The following CD200R1L variants were observed in gnomAD, a reference collection of about 807,000 sequenced individuals.
CD200R1L encodes the protein cell surface glycoprotein CD200 receptor 2.
In CD200R1L, 14 loss-of-function variants were observed where a neutral mutation model predicts 24.8. The observed-to-expected ratio is 0.56, with a 90% CI of 0.37 to 0.88. CD200R1L has a LOEUF of 0.88. Among genes scored for constraint, CD200R1L ranks in the 40% least tolerant of loss-of-function variants. CD200R1L has a pLI of 0.00. For synonymous variants in CD200R1L, 111 were observed against 109.2 expected (o/e 1.02, Z -0.11); for missense variants, 299 against 297.8 (o/e 1.00, Z -0.03).
chr3:112,828,393 T>C (rs1183496326), intron 4 of CD200R1L, among the ~76,000 whole-genome samples: 1 of 151,324 alleles, frequency 6.6e-6, no homozygotes, highest in African/African-American at 2.4e-5. Flanking sequence ...CCCATGTAAG[T>C]AAAAAAAAAT....
At chr3:112,832,089 A>G (rs1166946972) in intron 3 of CD200R1L, among the ~76,000 whole-genome samples, 5 of 152,204 alleles carry the variant, frequency 3.3e-5, no homozygotes, top group Non-Finnish European at 7.4e-5. Context: ...GAACTGTTGC[A>G]ATAGTTATTC....
At chr3:112,821,651 G>GT (rs10715617) in intron 6 of CD200R1L, among the ~76,000 whole-genome samples, 1 of 152,014 alleles carries the variant, frequency 6.6e-6, no homozygotes, top group Non-Finnish European at 1.5e-5. Context: ...ATTCTGTGGT[G>GT]TTTTTTTTGT....
intron 6 of CD200R1L, among the ~76,000 whole-genome samples, chr3:112,822,961 C>G (rs563735822): frequency 6.6e-6 from 1 of 152,294 alleles, no homozygotes; most frequent in East Asian, 1.9e-4. Context: ...CTTCTTTCTT[C>G]TCTCATACAA....
At chr3:112,833,065 G>A (rs1055594330) in intron 3 of CD200R1L, among the ~76,000 whole-genome samples, 1 of 152,196 alleles carries the variant, frequency 6.6e-6, no homozygotes, top group Non-Finnish European at 1.5e-5. Flanking sequence ...GTTTCTAGTA[G>A]GCCAGTGGTC....
chr3:112,838,113 A>T (rs535228174), intron 2 of CD200R1L, 103 bp from the exon 3 acceptor site: 2 of 325,296 alleles, frequency 6.1e-6, no homozygotes, highest in South Asian at 3.3e-5. Context: ...ACAGAAAACA[A>T]CATTTCAATT....
intron 3 of CD200R1L, among the ~76,000 whole-genome samples, chr3:112,830,411 C>A (rs1417909217): frequency 6.6e-6 from 1 of 151,892 alleles, no homozygotes; most frequent in East Asian, 1.9e-4. Flanking sequence ...ACCTGTAATA[C>A]CCATAATGAG....
chr3:112,833,537 T>C (rs886718421), intron 3 of CD200R1L, among the ~76,000 whole-genome samples: 3 of 152,160 alleles, frequency 2.0e-5, no homozygotes, highest in African/African-American at 4.8e-5. Flanking sequence ...AACAACCCAT[T>C]ATAAGCTGCA....
intron 3 of CD200R1L, among the ~76,000 whole-genome samples, chr3:112,833,740 C>A (rs534471473): frequency 1.1e-4 from 17 of 152,260 alleles, no homozygotes; most frequent in Admixed American, 2.0e-4. Flanking sequence ...CATCTAAGCC[C>A]TCCCTGTGTG....
intron 3 of CD200R1L, among the ~76,000 whole-genome samples, chr3:112,833,374 C>G (rs1938857666): frequency 6.6e-6 from 1 of 152,200 alleles, no homozygotes; most frequent in Admixed American, 6.5e-5. Context: ...TCCAGTAGGA[C>G]AGTCACAGTG....
rs936246170 is a variant in CD200R1L, at chr3:112,815,877, A to G, written c.*86T>C. On this transcript the variant is annotated 3_prime_UTR_variant, in exon 8 of 8. Transcript: ENST00000488794. ...TATCCTTAACATCATCCATGGCCCA[A>G]GTTCACTGCTGGACCATCACTCATC... 1.2e-5 allele frequency: 9 copies of G among 762,030 alleles called. No homozygotes were observed. Among genetic ancestry groups the G allele is most frequent in the Non-Finnish European group, 4.9e-6 (2 of 411,344 alleles). 47.2% of individuals were successfully genotyped at this position (762,030 alleles called of 1,614,324 possible).
At chr3:112,827,900 T>G (rs1012645849) in intron 4 of CD200R1L, among the ~76,000 whole-genome samples, 3 of 152,204 alleles carry the variant, frequency 2.0e-5, no homozygotes, top group African/African-American at 7.2e-5. Context: ...TCCAGTATTA[T>G]GTATTATTAG....
chr3:112,836,037 G>A (rs914637363), intron 3 of CD200R1L, among the ~76,000 whole-genome samples: 10 of 152,256 alleles, frequency 6.6e-5, no homozygotes, highest in African/African-American at 1.2e-4. Context: ...AACCCAATGC[G>A]ACCAGGGACA....
intron 7 of CD200R1L, chr3:112,818,732 T>C (rs1331317270): frequency 6.5e-6 from 1 of 154,438 alleles, no homozygotes; most frequent in Non-Finnish European, 1.5e-5. Context: ...GCTATCTTCC[T>C]CTTTATTTTG....
chr3:112,820,917 C>T (rs1938520491), intron 6 of CD200R1L, among the ~76,000 whole-genome samples: 1 of 151,382 alleles, frequency 6.6e-6, no homozygotes, highest in Admixed American at 6.6e-5. Context: ...ATTAGCCGAG[C>T]GTGGTGGCAT....
intron 3 of CD200R1L, 165 bp from the exon 4 acceptor site, chr3:112,829,549 G>T: frequency 2.2e-6 from 2 of 889,510 alleles, no homozygotes; most frequent in Non-Finnish European, 2.7e-6. Context: ...GCCATCATTA[G>T]AGGAAAAAAC....
chr3:112,819,349 C>A (rs1372672570), intron 7 of CD200R1L, among the ~76,000 whole-genome samples: 1 of 152,172 alleles, frequency 6.6e-6, no homozygotes, highest in Non-Finnish European at 1.5e-5. Context: ...TGTGATGTCT[C>A]ATCAAATATA....
intron 3 of CD200R1L, among the ~76,000 whole-genome samples, chr3:112,830,855 C>G (rs1217784751): frequency 1.3e-5 from 2 of 149,966 alleles, no homozygotes; most frequent in Non-Finnish European, 3.0e-5. Flanking sequence ...TTCTTTCACT[C>G]TTTTAGAGGA....
chr3:112,825,282 A>C (rs1938632647), intron 6 of CD200R1L, among the ~76,000 whole-genome samples: 1 of 151,348 alleles, frequency 6.6e-6, no homozygotes, highest in Non-Finnish European at 1.5e-5. Context: ...ATTGCATGTA[A>C]AAGGGAACAG....
At chr3:112,829,769 A>G (rs1938752004) in intron 3 of CD200R1L, among the ~76,000 whole-genome samples, 1 of 152,230 alleles carries the variant, frequency 6.6e-6, no homozygotes, top group African/African-American at 2.4e-5. Context: ...GCATCTTTAA[A>G]TGAAATTTCT....
Sources: gnomAD v4.1 joint callset for allele counts (sites outside exome capture counted in the v4.1 genomes callset) on GRCh38, gnomAD v4.1.1 for gene constraint, MANE v1.5 for transcripts, NCBI Gene and HGNC (gene_info 2026-07-23, HGNC 2026-07-21) for gene names.